The following C1orf52 variants were observed in gnomAD, a reference collection of about 807,000 sequenced individuals.
C1orf52 encodes the protein chromosome 1 open reading frame 52.
A neutral mutation model predicts 17.2 loss-of-function variants in C1orf52; 5 were observed. That is an observed-to-expected ratio of 0.29 (90% confidence interval 0.15 to 0.61). The LOEUF is 0.61. Among genes scored for constraint, C1orf52 ranks in the 20% least tolerant of loss-of-function variants. The pLI is 0.85. For synonymous variants in C1orf52, 110 were observed against 88.0 expected, an observed-to-expected ratio of 1.25 and a Z score of -1.40; for missense variants, 245 against 234.1, an observed-to-expected ratio of 1.05 and a Z score of -0.30.
At chr1:85,257,858 C>A (rs1412732384) in intron 2 of C1orf52, among the ~76,000 whole-genome samples, 1 of 152,142 alleles carries the variant, frequency 6.6e-6, no homozygotes, top group Non-Finnish European at 1.5e-5. Context: ...TAAATCCCAA[C>A]ACTTTGGGAG....
At chr1:85,259,224 T>G (rs1570321781) in intron 1 of C1orf52, 134 bp downstream of exon 1, 5 of 1,000,708 alleles carry the variant, frequency 5.0e-6, no homozygotes, top group African/African-American at 3.7e-5. Context: ...GGGCTTGAGG[T>G]GGGAGGGGGT....
intron 2 of C1orf52, among the ~76,000 whole-genome samples, chr1:85,253,767 A>G (rs890654832): frequency 1.5e-5 from 2 of 134,556 alleles, no homozygotes; most frequent in East Asian, 2.0e-4. Context: ...ATCCAACTAC[A>G]TGGTTAAAAA....
At chr1:85,259,020 G>A (rs1183875081) in intron 1 of C1orf52, 5 of 1,332,176 alleles carry the variant, frequency 3.8e-6, no homozygotes, top group South Asian at 3.5e-5. Flanking sequence ...AGGCAGCACC[G>A]CAGGCACTTC....
In C1orf52 at chr1:85,259,553, ATCC is replaced by A. The variant is rs1487625029; in HGVS notation, c.78_80del (p.Glu26del). The A allele has an allele frequency of 6.2e-7, 1 of 1,613,370 alleles. No homozygotes were observed. The highest frequency in any genetic ancestry group is 8.5e-7 in the Non-Finnish European group (1 of 1,179,858). On this transcript the variant is annotated inframe_deletion, in exon 1 of 3. Transcript: ENST00000471115. Reference sequence around the variant, plus strand: ...GACTCGTCTCCTCCGGCTCGATGTTATCCTCCTCGTCCGAGGAGCCTGAGCTGC... The same window carrying A: ...GACTCGTCTCCTCCGGCTCGATGTTATCCTCGTCCGAGGAGCCTGAGCTGC...
At position 85,259,518 on chromosome 1, in the gene C1orf52, G is replaced by A. The variant is rs1201700151; in HGVS notation, c.116C>T (p.Pro39Leu). ...GCCGCCCGCCGACTTCGCCGGATCC[G>A]GGGTTCTGCGACTCGTCTCCTCCGG... The part of the protein sequence containing the change: ...IEPEETSRRT[P>L]DPAKSAGGCR... The change falls in exon 1 of 3, where the codon CCG (proline) becomes CTG (leucine). Residue 39 changes from proline to leucine, a missense_variant. Pro to Leu is a moderately conservative substitution (Grantham distance 98). Coordinates refer to ENST00000471115, the MANE Select transcript of C1orf52 (RefSeq NM_198077.4). The A allele has an allele frequency of 3.1e-6, 5 of 1,613,740 alleles. No homozygotes were observed. The highest frequency in any genetic ancestry group is 3.4e-6 in the Non-Finnish European group (4 of 1,180,014).
Position 85,259,592 on chromosome 1 carries a change from T to C in C1orf52, c.42A>G (p.Ala14=). Residue 14 remains alanine (A), a synonymous_variant, in exon 1 of 3, where the codon GCA becomes GCG. Transcript: ENST00000471115. ...EEKDPLSYFA[A]YGSSSSGSSD... is the part of the protein sequence containing the mutation. Reference sequence around the variant, plus strand: ...AGGAGCCTGAGCTGCTGCTCCCGTATGCCGCAAAATAGCTCAGAGGGTCCT... The same window carrying C: ...AGGAGCCTGAGCTGCTGCTCCCGTACGCCGCAAAATAGCTCAGAGGGTCCT... 2 of 1,592,428 alleles carry C rather than the reference T, an allele frequency of 1.3e-6. No individual in the cohort carries two copies. Among genetic ancestry groups the C allele is most frequent in the Non-Finnish European group, 1.7e-6 (2 of 1,170,422 alleles).
At chr1:85,257,135 A>G (rs530897153) in intron 2 of C1orf52, among the ~76,000 whole-genome samples, 17 of 152,370 alleles carry the variant, frequency 1.1e-4, no homozygotes, top group African/African-American at 3.6e-4. Context: ...ATGGTCCAAA[A>G]CATTAGTTCA....
rs542578883 is a variant in C1orf52, at chr1:85,258,253, GGATGA to G, written c.475+266_475+270del. Among the ~76,000 whole-genome samples the G allele has an allele frequency of 3.2e-4, 48 of 152,224 alleles. 1 individual carries two copies. In the East Asian group the frequency reaches 8.5e-3, roughly 27 times the overall value. On this transcript the variant is annotated intron_variant, in intron 2 of 2. Transcript: ENST00000471115. ...ATAATGCATCATAAATCTGACCACT[GGATGA>G]GATATCAGATATTTTACTTTAAAGC...
intron 2 of C1orf52, among the ~76,000 whole-genome samples, chr1:85,253,695 T>C (rs1202947796): frequency 6.6e-6 from 1 of 152,160 alleles, no homozygotes; most frequent in Non-Finnish European, 1.5e-5. Flanking sequence ...CACAGAAAAT[T>C]TCCAATTCAT....
At chr1:85,253,395 C>T (rs1057393507) in intron 2 of C1orf52, among the ~76,000 whole-genome samples, 3 of 152,120 alleles carry the variant, frequency 2.0e-5, no homozygotes, top group African/African-American at 7.2e-5. Flanking sequence ...TCTTCTGCCC[C>T]ATCACCTTCT....
At chr1:85,255,912 A>C (rs1385764376) in intron 2 of C1orf52, among the ~76,000 whole-genome samples, 2 of 152,252 alleles carry the variant, frequency 1.3e-5, no homozygotes, top group Non-Finnish European at 2.9e-5. Flanking sequence ...CTATGTGAAT[A>C]GCAGTGTTAC....
rs80089187 is a variant in C1orf52 at position 85,251,140 on chromosome 1, G to C, written c.*1489C>G. ...ACATGCCTAGGTAAACAAATCTCGC[G>C]TAATTGTTCAAATTTTATCTTCCAC... On this transcript the variant is annotated 3_prime_UTR_variant, in exon 3 of 3. Transcript: ENST00000471115. 1.3e-5 allele frequency: 2 copies of C among 152,038 alleles called. No homozygotes were observed. Among genetic ancestry groups the C allele is most frequent in the Admixed American group, 6.5e-5 (1 of 15,272 alleles). 9.4% of individuals were successfully genotyped at this position (152,038 alleles called of 1,614,324 possible).
At chr1:85,256,566 A>G (rs11161571) in intron 2 of C1orf52, among the ~76,000 whole-genome samples, 55,152 of 151,954 alleles carry the variant, frequency 0.36, 10,129 homozygotes, top group South Asian at 0.38. Context: ...TTGGGAGGCC[A>G]AGGCGGGCAG....
At position 85,251,506 on chromosome 1, in the gene C1orf52, C is replaced by T. The variant is rs538714467; in HGVS notation, c.*1123G>A. The T allele has an allele frequency of 1.7e-4, 26 of 152,314 alleles. No homozygotes were observed. Among genetic ancestry groups the T allele is most frequent in the South Asian group, 8.3e-4 (4 of 4,830 alleles). The allele number at this position is 152,314 out of a possible 1,614,324, so 9.4% of individuals were successfully genotyped here. On this transcript the variant is annotated 3_prime_UTR_variant, in exon 3 of 3. Coordinates refer to ENST00000471115, the MANE Select transcript of C1orf52 (RefSeq NM_198077.4). ...GAACTCAACGATCACACCTTCCCAACTACTTCTTGTTCATTTTATTATTAC... is the reference window on the plus strand; with the variant it reads ...GAACTCAACGATCACACCTTCCCAATTACTTCTTGTTCATTTTATTATTAC...
intron 2 of C1orf52, among the ~76,000 whole-genome samples, chr1:85,255,930 A>AT (rs1303284800): frequency 2.0e-5 from 3 of 152,254 alleles, no homozygotes; most frequent in Non-Finnish European, 4.4e-5. Flanking sequence ...TACCTGCCAC[A>AT]TATTTGGAAC....
Position 85,252,667 on chromosome 1 carries a change from T to C in C1orf52, c.511A>G (p.Lys171Glu), listed in dbSNP as rs1214170133. ...TTTGCTGGTTCTCCTGGCTCTACTT[T>C]GCGCTTTTTAGAAGTATGCTCATCT... is the stretch of plus-strand genomic sequence containing the variant. ...EKDEHTSKKR[K>E]VEPGEPAKKK... The change falls in exon 3 of 3, where the codon AAA (lysine) becomes GAA (glutamate). Residue 171 changes from lysine to glutamate, a missense_variant. Transcript: ENST00000471115. The C allele has an allele frequency of 1.2e-6, 2 of 1,613,596 alleles. No individual in the cohort carries two copies. Among genetic ancestry groups the C allele is most frequent in the Non-Finnish European group, 1.7e-6 (2 of 1,179,706 alleles).
chr1:85,252,768 A>T (rs1472869495), intron 2 of C1orf52, 66 bp from the exon 3 acceptor site: 3 of 1,118,514 alleles, frequency 2.7e-6, no homozygotes, highest in African/African-American at 1.6e-5. Context: ...AAGCATTAAA[A>T]TTTCACTGGC....
At chr1:85,259,208 T>A (rs1020380897) in intron 1 of C1orf52, 150 bp downstream of exon 1, 7 of 1,171,250 alleles carry the variant, frequency 6.0e-6, no homozygotes, top group Admixed American at 5.5e-5. Context: ...GGGGCCAGGT[T>A]TCCCAGGGCT....
intron 1 of C1orf52, 25 bp downstream of exon 1, chr1:85,259,333 C>A (rs2100735785): frequency 6.2e-7 from 1 of 1,602,052 alleles, no homozygotes; most frequent in African/African-American, 1.3e-5. Context: ...GGGCCGAGAC[C>A]GAGAAACGGG....
Sources: gnomAD v4.1 joint callset for allele counts (sites outside exome capture counted in the v4.1 genomes callset) on GRCh38, gnomAD v4.1.1 for gene constraint, MANE v1.5 for transcripts, NCBI Gene and HGNC (gene_info 2026-07-23, HGNC 2026-07-21) for gene names.